HSD11B1L: variants seen among roughly 807,000 people sequenced by gnomAD.
HSD11B1L encodes hydroxysteroid 11-beta dehydrogenase 1 like.
HSD11B1L carries 22 observed loss-of-function variants against 27.0 expected under a neutral mutation model. That is an observed-to-expected ratio of 0.81 (90% CI 0.58 to 1.16). The LOEUF (loss-of-function observed/expected upper bound fraction) is 1.16, where lower values mean the gene tolerates loss of function less well. HSD11B1L is among the 50% of genes most tolerant of loss of function. The probability of loss-of-function intolerance (pLI) is 0.00; values close to 1 mark genes in which losing one functional copy is unlikely to be tolerated. For missense variants in HSD11B1L, 372 were observed against 401.8 expected (o/e 0.93, Z 0.63); for synonymous variants, 187 against 189.2 (o/e 0.99, Z 0.09).
rs1056611033 is a variant in HSD11B1L, at chr19:5,685,829, C to A, written c.205-587C>A. On this transcript the variant is annotated intron_variant, in intron 3 of 7. Transcript: ENST00000339423. The surrounding 1 kb of genome is among the most constrained non-coding windows in gnomAD (Gnocchi z 4.3). ...TGAGTCAGGAGAATCACTTGAACCC[C>A]GGAGGCAGAGGTTGCAGTGAGCCGA... Among the ~76,000 whole-genome samples, 1 of 151,442 alleles carries A rather than the reference C, an allele frequency of 6.6e-6. No individual in the cohort carries two copies. The highest frequency in any genetic ancestry group is 2.4e-5 in the African/African-American group (1 of 41,208).
At chr19:5,686,667 G>C in intron 4 of HSD11B1L, 140 bp downstream of exon 4, 1 of 730,864 alleles carries the variant, frequency 1.4e-6, no homozygotes, top group South Asian at 1.9e-5. Context: ...CGTGGGCGGG[G>C]TGGAGTCTCA....
In HSD11B1L at chr19:5,687,924, C is replaced by A; in HGVS notation, c.840C>A (p.Asn280Lys). Residue 280 changes from asparagine to lysine, a missense_variant, in exon 8 of 8, where the codon AAC (asparagine) becomes AAA (lysine). By Grantham distance (94) the Asn-to-Lys change is moderately conservative. Transcript: ENST00000339423. The surrounding 1 kb of genome is among the most constrained non-coding windows in gnomAD (Gnocchi z 6.6). ...CCTGGTTTATCCGCCAGGAGCTCAA[C>A]GTCACGGCCGCGGCAGCCTGAGCAC... ...PRAWFIRQEL[N>K]VTAAAA The A allele has an allele frequency of 1.9e-6, 3 of 1,565,504 alleles. No individual in the cohort carries two copies. The highest frequency in any genetic ancestry group is 2.6e-6 in the Non-Finnish European group (3 of 1,154,568).
Position 5,681,257 on chromosome 19 carries a change from CTG to C in HSD11B1L, c.-28_-27del, listed in dbSNP as rs1440731942. On this transcript the variant is annotated 5_prime_UTR_variant, in exon 1 of 8. Transcript: ENST00000339423. ...CACCCCCGCTGGACAGTGGGGGAAA[CTG>C]AGGCCTGAGCGGGTGAGTGCACGGT... is the stretch of plus-strand genomic sequence containing the variant. 3 of 152,484 alleles carry C rather than the reference CTG, an allele frequency of 2.0e-5. No individual in the cohort carries two copies. The highest frequency in any genetic ancestry group is 2.9e-5 in the Non-Finnish European group (2 of 68,204). The allele number at this position is 152,484 out of a possible 1,614,324, so 9.4% of individuals were successfully genotyped here.
chr19:5,682,167 C>T (rs896345987), intron 1 of HSD11B1L, among the ~76,000 whole-genome samples: 5 of 152,180 alleles, frequency 3.3e-5, no homozygotes, highest in Non-Finnish European at 7.3e-5. Flanking sequence ...CAGTGAGGAG[C>T]CTGGTTTCCA....
chr19:5,686,796 G>A, intron 4 of HSD11B1L, 104 bp from the exon 5 acceptor site: 1 of 956,652 alleles, frequency 1.0e-6, no homozygotes, highest in East Asian at 2.7e-5. Context: ...TACCTGGGGC[G>A]GAGCTCGCTG....
rs1457445661 is a variant in HSD11B1L at position 5,685,471 on chromosome 19, G to T, written c.204+352G>T. On this transcript the variant is annotated intron_variant, in intron 3 of 7. Coordinates refer to ENST00000339423, the MANE Select transcript of HSD11B1L (RefSeq NM_198706.3). This position sits in a 1 kb window ranked among gnomAD's most constrained non-coding sequence, Gnocchi z 4.3. Reference sequence around the variant, plus strand: ...TCATGCCTGTAATCCTAGCACTTTGGGAGGCCAAGGCGGATGGATCACTTG... The same window carrying T: ...TCATGCCTGTAATCCTAGCACTTTGTGAGGCCAAGGCGGATGGATCACTTG... 5 of 371,636 alleles carry T rather than the reference G, an allele frequency of 1.3e-5. No individual in the cohort carries two copies. Among genetic ancestry groups the T allele is most frequent in the Non-Finnish European group, 2.6e-5 (5 of 190,114 alleles). The allele number at this position is 371,636 out of a possible 1,614,324, so 23.0% of individuals were successfully genotyped here.
At position 5,687,092 on chromosome 19, in the gene HSD11B1L, C is replaced by A; in HGVS notation, c.408+101C>A. On this transcript the variant is annotated intron_variant, in intron 5 of 7. Transcript: ENST00000339423. This position sits in a 1 kb window ranked among gnomAD's most constrained non-coding sequence, Gnocchi z 6.6. ...TTCTGCCTTCTCCAGGGAGGGCTCT[C>A]CACCCGTCCCGCCCCAGCCACGCCC... 8.4e-7 allele frequency: 1 copy of A among 1,190,852 alleles called. No homozygotes were observed. The highest frequency in any genetic ancestry group is 1.2e-6 in the Non-Finnish European group (1 of 845,686). 73.8% of individuals were successfully genotyped at this position (1,190,852 alleles called of 1,614,324 possible).
rs1013959813 is a variant in HSD11B1L, at chr19:5,687,034, G to C, written c.408+43G>C. The C allele has an allele frequency of 7.1e-5, 105 of 1,479,012 alleles. No individual in the cohort carries two copies. The highest frequency in any genetic ancestry group is 9.4e-5 in the Non-Finnish European group (103 of 1,092,652). 91.6% of individuals were successfully genotyped at this position (1,479,012 alleles called of 1,614,324 possible). On this transcript the variant is annotated intron_variant, in intron 5 of 7. Coordinates refer to ENST00000339423, the MANE Select transcript of HSD11B1L (RefSeq NM_198706.3). The surrounding 1 kb of genome is among the most constrained non-coding windows in gnomAD (Gnocchi z 6.6). The stretch of plus-strand genomic sequence containing the variant: ...GGCCCCGGCCCGCCCCTCTATCTCA[G>C]GGACCGGTGGTCCGTTCCCTTCGCG...
In HSD11B1L at chr19:5,684,958, C is replaced by T. The variant is rs757793150; in HGVS notation, c.74-31C>T. 75 of 1,612,476 alleles carry T rather than the reference C, an allele frequency of 4.7e-5. 1 individual carries two copies. In the Middle Eastern group the frequency reaches 8.2e-4, roughly 18 times the overall value. ...AAACCGGGCCAGCTGTCCTGTCCTC[C>T]GCCCAGAGTGACCACCCCGGCTATG... On this transcript the variant is annotated intron_variant, in intron 2 of 7. Coordinates refer to ENST00000339423, the MANE Select transcript of HSD11B1L (RefSeq NM_198706.3).
Position 5,685,281 on chromosome 19 carries a change from A to G in HSD11B1L, c.204+162A>G, listed in dbSNP as rs2054659392. The G allele has an allele frequency of 1.0e-6, 1 of 982,042 alleles. No individual in the cohort carries two copies. Among genetic ancestry groups the G allele is most frequent in the Non-Finnish European group, 1.6e-6 (1 of 641,486 alleles). The allele number at this position is 982,042 out of a possible 1,614,324, so 60.8% of individuals were successfully genotyped here. On this transcript the variant is annotated intron_variant, in intron 3 of 7. Transcript: ENST00000339423. The surrounding 1 kb of genome is among the most constrained non-coding windows in gnomAD (Gnocchi z 4.3). ...TTTCCTCATTTGCAAAACGGGGACA[A>G]TAAAACCACTTTCTGGCCAGGCACG...
chr19:5,685,015 C>A lies in HSD11B1L; in HGVS notation c.100C>A (p.Leu34Met). ...PASLQGARVL[L>M]TGANAGVGEE... ...CAGCCTCCAGGGAGCGCGAGTGCTG[C>A]TGACAGGGGCCAACGCTGGTGTTGG... Residue 34 changes from leucine to methionine, a missense_variant, in exon 3 of 8, where the codon CTG (leucine) becomes ATG (methionine). Transcript: ENST00000339423. The surrounding 1 kb of genome is among the most constrained non-coding windows in gnomAD (Gnocchi z 4.3). 1 of 1,591,584 alleles carries A rather than the reference C, an allele frequency of 6.3e-7. No individual in the cohort carries two copies. Among genetic ancestry groups the A allele is most frequent in the Non-Finnish European group, 8.6e-7 (1 of 1,168,936 alleles).
At chr19:5,683,323 C>T (rs939814914) in intron 1 of HSD11B1L, among the ~76,000 whole-genome samples, 1 of 151,920 alleles carries the variant, frequency 6.6e-6, no homozygotes, top group Non-Finnish European at 1.5e-5. Context: ...ATCTGGATGA[C>T]GCAGGCACCT....
At chr19:5,683,920 A>T in intron 1 of HSD11B1L, 1 of 328,444 alleles carries the variant, frequency 3.0e-6, no homozygotes, top group East Asian at 4.5e-5. Flanking sequence ...AAAAATAAAA[A>T]AATAAATAAT....
intron 1 of HSD11B1L, among the ~76,000 whole-genome samples, chr19:5,683,036 T>C (rs954045777): frequency 1.3e-5 from 2 of 151,818 alleles, no homozygotes; most frequent in African/African-American, 4.8e-5. Context: ...ATCACAGGCA[T>C]GTGCCAGCAT....
At chr19:5,686,773 T>C (rs1161381381) in intron 4 of HSD11B1L, 127 bp from the exon 5 acceptor site, 35 of 793,726 alleles carry the variant, frequency 4.4e-5, no homozygotes, top group Non-Finnish European at 6.8e-5. Flanking sequence ...GTGTCTTTGA[T>C]CGTAGTGGGA....
At position 5,686,970 on chromosome 19, in the gene HSD11B1L, G is replaced by C; in HGVS notation, c.387G>C (p.Gln129His). The change falls in exon 5 of 8, where the codon CAG becomes CAC. Residue 129 changes from glutamine to histidine, a missense_variant. Physicochemically the swap from Gln to His is conservative, Grantham distance 24. Transcript: ENST00000339423. ...APAGTRARSP[Q>H]ATRWLMQVNF... is the part of the protein sequence containing the mutation. ...CCGGCACGCGAGCCCGCAGCCCCCA[G>C]GCAACTCGCTGGCTCATGCAGGTGC... The C allele has an allele frequency of 6.5e-7, 1 of 1,550,262 alleles. No individual in the cohort carries two copies. Among genetic ancestry groups the C allele is most frequent in the Non-Finnish European group, 8.7e-7 (1 of 1,148,244 alleles).
chr19:5,684,405 A>C (rs1002725502), intron 1 of HSD11B1L: 3 of 351,966 alleles, frequency 8.5e-6, no homozygotes, highest in African/African-American at 2.1e-5. Context: ...GGCAGTAGGA[A>C]CAGCCCACGA....
At position 5,685,008 on chromosome 19, in the gene HSD11B1L, A is replaced by T. The variant is rs2054652118; in HGVS notation, c.93A>T (p.Arg31=). The change falls in exon 3 of 8, where the codon CGA becomes CGT. Residue 31 remains arginine (R), a synonymous_variant. Coordinates refer to ENST00000339423, the MANE Select transcript of HSD11B1L (RefSeq NM_198706.3). The surrounding 1 kb of genome is among the most constrained non-coding windows in gnomAD (Gnocchi z 4.3). ...GGCCAGCCAGCCTCCAGGGAGCGCGAGTGCTGCTGACAGGGGCCAACGCTG... is the reference window on the plus strand; with the variant it reads ...GGCCAGCCAGCCTCCAGGGAGCGCGTGTGCTGCTGACAGGGGCCAACGCTG... ...NFDPASLQGA[R]VLLTGANAGV... is the part of the protein sequence containing the mutation. 3 of 1,597,052 alleles carry T rather than the reference A, an allele frequency of 1.9e-6. No homozygotes were observed. Among genetic ancestry groups the T allele is most frequent in the Admixed American group, 1.8e-5 (1 of 56,632 alleles).
chr19:5,684,466 G>C, intron 1 of HSD11B1L: 2 of 427,400 alleles, frequency 4.7e-6, no homozygotes, highest in Non-Finnish European at 8.4e-6. Flanking sequence ...AACAGCGAAG[G>C]GTCTGTTTTA....
Sources: gnomAD v4.1 joint callset for allele counts (sites outside exome capture counted in the v4.1 genomes callset) on GRCh38, gnomAD v4.1.1 for gene constraint, Gnocchi (gnomAD v3.1) non-coding constraint, MANE v1.5 for transcripts, NCBI Gene and HGNC (gene_info 2026-07-23, HGNC 2026-07-21) for gene names.